The following HDAC9 variants were observed in gnomAD, a reference collection of about 807,000 sequenced individuals.
HDAC9 encodes MEF-2 interacting transcription repressor (MITR) protein.
A neutral mutation model predicts 139.4 loss-of-function variants in HDAC9; 41 were observed. The ratio of observed to expected loss-of-function variants is 0.29; its 90% CI spans 0.23 to 0.38. The LOEUF (loss-of-function observed/expected upper bound fraction) is 0.38, where lower values mean the gene tolerates loss of function less well. HDAC9 is among the 10% of genes least tolerant of loss of function. The pLI is 1.00. For synonymous variants in HDAC9, 517 were observed against 476.2 expected (o/e 1.09, Z -1.12); for missense variants, 1,147 against 1,297.0 (o/e 0.88, Z 1.78).
intron 12 of HDAC9, among the ~76,000 whole-genome samples, chr7:18,702,615 G>A (rs1018893979): frequency 6.6e-6 from 1 of 152,182 alleles, no homozygotes; most frequent in East Asian, 1.9e-4. Context: ...GGAATAAAGA[G>A]GAGAGATGGA....
chr7:18,426,845 C>A (rs1790161706), intron 1 of HDAC9, among the ~76,000 whole-genome samples: 1 of 152,150 alleles, frequency 6.6e-6, no homozygotes, highest in South Asian at 2.1e-4. Flanking sequence ...CCTATAAAAT[C>A]TGAGAAAGCA....
rs114628163 is a variant in HDAC9, at chr7:18,379,884, T to C, written c.-42+89369T>C. ...TGCTGCAGATTTCCTAAAGGATCAG[T>C]TAGAACTTCCTGGAACACCCTTGGA... On this transcript the variant is annotated intron_variant, in intron 1 of 3. Transcript: ENST00000413509. Among the ~76,000 whole-genome samples, 776 of 152,316 alleles carry C rather than the reference T, an allele frequency of 5.1e-3. 6 individuals are homozygous for C. Among genetic ancestry groups the C allele is most frequent in the African/African-American group, 0.018 (734 of 41,572 alleles).
chr7:18,593,788 C>G, intron 5 of HDAC9, 120 bp from the exon 6 acceptor site: 6 of 1,030,340 alleles, frequency 5.8e-6, no homozygotes, highest in Non-Finnish European at 8.9e-6. Flanking sequence ...TTTGTATACA[C>G]TAAGGAGAAA....
intron 1 of HDAC9, among the ~76,000 whole-genome samples, chr7:18,104,230 T>G (rs1340365022): frequency 1.4e-5 from 2 of 142,936 alleles, no homozygotes; most frequent in African/African-American, 4.9e-5. Flanking sequence ...TGCTGTACAT[T>G]GTTCCCATAA....
intron 1 of HDAC9, among the ~76,000 whole-genome samples, chr7:18,321,481 A>T (rs183716684): frequency 6.6e-5 from 10 of 152,214 alleles, no homozygotes; most frequent in Admixed American, 5.2e-4. Context: ...GTTGCTGAAG[A>T]TACTCCATTT....
chr7:18,237,616 A>G (rs1233259920), intron 2 of HDAC9, among the ~76,000 whole-genome samples: 1 of 152,164 alleles, frequency 6.6e-6, no homozygotes, highest in African/African-American at 2.4e-5. Context: ...ATAAAAGGAA[A>G]ATTTTTGAAA....
chr7:18,826,103 G>A (rs374411549), intron 17 of HDAC9, among the ~76,000 whole-genome samples: 7 of 152,212 alleles, frequency 4.6e-5, no homozygotes, highest in African/African-American at 7.2e-5. Flanking sequence ...ACCTTCTCTA[G>A]TGTGACAGAG....
intron 2 of HDAC9, among the ~76,000 whole-genome samples, chr7:18,522,258 C>T (rs1027021928): frequency 3.9e-5 from 6 of 152,064 alleles, no homozygotes; most frequent in South Asian, 4.1e-4. Context: ...AACTAACAGC[C>T]ACACACTCTG....
At chr7:18,538,942 G>C (rs554983897) in intron 2 of HDAC9, among the ~76,000 whole-genome samples, 1 of 152,264 alleles carries the variant, frequency 6.6e-6, no homozygotes, top group African/African-American at 2.4e-5. Flanking sequence ...GTGATGCAGA[G>C]GCTATCACAT....
At chr7:18,663,296 GA>G (rs1793780051) in intron 11 of HDAC9, among the ~76,000 whole-genome samples, 1 of 152,092 alleles carries the variant, frequency 6.6e-6, no homozygotes, top group Non-Finnish European at 1.5e-5. Context: ...TTGAGACACT[GA>G]GAGGCCATGT....
chr7:18,615,493 A>G (rs1584146916), intron 6 of HDAC9, among the ~76,000 whole-genome samples: 1 of 152,222 alleles, frequency 6.6e-6, no homozygotes, highest in East Asian at 1.9e-4. Flanking sequence ...CTTATACCCT[A>G]TGGAACTTTT....
chr7:18,934,973 A>C (rs1263295440), intron 22 of HDAC9, among the ~76,000 whole-genome samples: 1 of 152,198 alleles, frequency 6.6e-6, no homozygotes, highest in Admixed American at 6.6e-5. Flanking sequence ...GACAGCAAAA[A>C]AACTATAGCT....
At position 18,909,184 on chromosome 7, in the gene HDAC9, G is replaced by A. The variant is rs914550126; in HGVS notation, c.2804-26625G>A. Among the ~76,000 whole-genome samples the A allele has an allele frequency of 6.6e-5, 10 of 152,030 alleles. 1 individual carries two copies. Among genetic ancestry groups the A allele is most frequent in the South Asian group, 4.1e-4 (2 of 4,826 alleles). Reference sequence around the variant, plus strand: ...ATTTTCATATGCCTGTTAGCCATTCGTATGTCTTCTTTTAAGAAATGATTA... The same window carrying A: ...ATTTTCATATGCCTGTTAGCCATTCATATGTCTTCTTTTAAGAAATGATTA... On this transcript the variant is annotated intron_variant, in intron 22 of 25. Coordinates refer to ENST00000686413, the MANE Select transcript of HDAC9 (RefSeq NM_178425.4).
chr7:18,461,185 A>G (rs2128109990), intron 1 of HDAC9, among the ~76,000 whole-genome samples: 2 of 152,308 alleles, frequency 1.3e-5, no homozygotes, highest in Non-Finnish European at 2.9e-5. Flanking sequence ...CAGAAAAAAA[A>G]GGCTAAATGT....
chr7:18,873,176 G>A (rs1158835739), intron 21 of HDAC9, among the ~76,000 whole-genome samples: 1 of 152,058 alleles, frequency 6.6e-6, no homozygotes, highest in Non-Finnish European at 1.5e-5. Context: ...TGATAATGTA[G>A]CTGTATTTGA....
chr7:18,478,893 C>G (rs912509042), intron 1 of HDAC9, among the ~76,000 whole-genome samples: 3 of 152,154 alleles, frequency 2.0e-5, no homozygotes, highest in African/African-American at 7.2e-5. Flanking sequence ...TGTGCTGTAA[C>G]ATATTTCATA....
At chr7:18,399,454 G>T (rs1040642678) in intron 1 of HDAC9, among the ~76,000 whole-genome samples, 3 of 152,160 alleles carry the variant, frequency 2.0e-5, no homozygotes, top group Non-Finnish European at 2.9e-5. Context: ...GCTAAATTTA[G>T]ATTTTAAAAT....
At chr7:18,415,623 G>T (rs1168046366) in intron 1 of HDAC9, among the ~76,000 whole-genome samples, 1 of 152,174 alleles carries the variant, frequency 6.6e-6, no homozygotes, top group Non-Finnish European at 1.5e-5. Context: ...TTCAGGTTTT[G>T]CTGGTTTTTG....
chr7:18,737,380 C>T (rs1047279067), intron 13 of HDAC9, among the ~76,000 whole-genome samples: 1 of 152,056 alleles, frequency 6.6e-6, no homozygotes, highest in Non-Finnish European at 1.5e-5. Context: ...TAGTGCTATA[C>T]ATTTCCCTCT....
Sources: allele counts gnomAD v4.1 joint callset (sites outside exome capture counted in the v4.1 genomes callset), GRCh38; gene constraint gnomAD v4.1.1; transcripts MANE v1.5; gene names NCBI Gene and HGNC (gene_info 2026-07-23, HGNC 2026-07-21).